The following GIPC2 variants were observed in gnomAD, a reference collection of about 807,000 sequenced individuals.
GIPC2 encodes GIPC PDZ domain containing family member 2, also known as PDZ domain-containing protein GIPC2.
A neutral mutation model predicts 30.6 loss-of-function variants in GIPC2; 30 were observed. The observed-to-expected ratio is 0.98, with a 90% CI of 0.73 to 1.33. GIPC2 has a LOEUF of 1.33. Ranked by LOEUF, GIPC2 falls within the 40% of genes most tolerant of loss-of-function variation. The pLI, the probability that GIPC2 is intolerant of heterozygous loss-of-function variation, is 0.00. For missense variants in GIPC2, 414 were observed against 390.3 expected (o/e 1.06, Z -0.51); for synonymous variants, 167 against 150.0 (o/e 1.11, Z -0.83).
rs893469850 is a variant in GIPC2, at chr1:78,055,396, T to A, written c.240+9062T>A. ...AAATGTATAGGGAGGTAAGGAAGCT[T>A]AGGACAGCTTCTGCAGCTGCACAGT... On this transcript the variant is annotated intron_variant, in intron 1 of 5. Coordinates refer to ENST00000370759, the MANE Select transcript of GIPC2 (RefSeq NM_017655.6). Among the ~76,000 whole-genome samples the A allele has an allele frequency of 3.3e-5, 5 of 152,294 alleles. No homozygotes were observed. In the South Asian group the frequency reaches 6.2e-4, roughly 19 times the overall value.
chr1:78,065,180 C>G (rs979383315), intron 1 of GIPC2, among the ~76,000 whole-genome samples: 1 of 152,070 alleles, frequency 6.6e-6, no homozygotes. Context: ...CATTATGTTG[C>G]CCAGGGTTAG....
chr1:78,065,956 G>C lies in GIPC2; in HGVS notation c.241-14719G>C, dbSNP rs895121877. ...ATAAAAGCCCTGGAAGACAACCTAG[G>C]CAGTACCATTCTGGACATAGGAATG... On this transcript the variant is annotated intron_variant, in intron 1 of 5. Coordinates refer to ENST00000370759, the MANE Select transcript of GIPC2 (RefSeq NM_017655.6). Among the ~76,000 whole-genome samples, 11 of 152,226 alleles carry C rather than the reference G, an allele frequency of 7.2e-5. No homozygotes were observed. The East Asian group carries it at 2.1e-3, about 29-fold the overall frequency.
At chr1:78,071,503 T>C (rs1193388810) in intron 1 of GIPC2, among the ~76,000 whole-genome samples, 1 of 151,578 alleles carries the variant, frequency 6.6e-6, no homozygotes, top group Non-Finnish European at 1.5e-5. Context: ...CTCCTCTTCT[T>C]CCTCTTCCTC....
chr1:78,097,823 ACTGG>A (rs1334950610), intron 3 of GIPC2, among the ~76,000 whole-genome samples: 2 of 152,192 alleles, frequency 1.3e-5, no homozygotes. Flanking sequence ...CATTCATGGC[ACTGG>A]CTGAATTGAC....
intron 1 of GIPC2, among the ~76,000 whole-genome samples, chr1:78,056,941 C>G (rs12125903): frequency 0.14 from 21,553 of 152,088 alleles, 1,612 homozygotes; most frequent in South Asian, 0.26. Context: ...TTGAAGCAGC[C>G]AGATCTTTTA....
intron 2 of GIPC2, among the ~76,000 whole-genome samples, chr1:78,084,634 A>G (rs1243042169): frequency 6.6e-6 from 1 of 151,910 alleles, no homozygotes; most frequent in Non-Finnish European, 1.5e-5. Flanking sequence ...ATATTTACTC[A>G]TTGTAGAGAT....
intron 3 of GIPC2, among the ~76,000 whole-genome samples, chr1:78,105,588 A>G (rs951199060): frequency 6.6e-6 from 1 of 152,104 alleles, no homozygotes; most frequent in Non-Finnish European, 1.5e-5. Flanking sequence ...GCCCGACCAG[A>G]ACCGTAATGT....
At chr1:78,098,468 C>G (rs1484015332) in intron 3 of GIPC2, among the ~76,000 whole-genome samples, 2 of 152,130 alleles carry the variant, frequency 1.3e-5, no homozygotes, top group Non-Finnish European at 2.9e-5. Flanking sequence ...TTTAATTTAT[C>G]TATCTCACAA....
At chr1:78,052,220 T>C (rs1047531195) in intron 1 of GIPC2, among the ~76,000 whole-genome samples, 1 of 152,194 alleles carries the variant, frequency 6.6e-6, no homozygotes, top group Non-Finnish European at 1.5e-5. Context: ...TGATCATCTC[T>C]AGGTGCAACA....
chr1:78,069,426 C>G (rs1031018958), intron 1 of GIPC2, among the ~76,000 whole-genome samples: 1 of 151,734 alleles, frequency 6.6e-6, no homozygotes, highest in Non-Finnish European at 1.5e-5. Context: ...TTGCCTTCAC[C>G]CTTTTCTCCC....
chr1:78,132,015 AG>A (rs1397334673), intron 5 of GIPC2, among the ~76,000 whole-genome samples: 5 of 152,228 alleles, frequency 3.3e-5, no homozygotes, highest in African/African-American at 1.2e-4. Context: ...CTCTTACCAC[AG>A]TACCTCTCCA....
rs565044199 is a variant in GIPC2 at position 78,103,778 on chromosome 1, T to C, written c.607+8646T>C. On this transcript the variant is annotated intron_variant, in intron 3 of 5. Transcript: ENST00000370759. ...GGGAGGGGTTCTAAGGCTTAGAGAG[T>C]GATAGGGATTGAGAGGTAGTAAGAT... 2.0e-5 allele frequency among the ~76,000 whole-genome samples: 3 copies of C among 151,848 alleles called. No homozygotes were observed. The South Asian group carries it at 6.2e-4, about 32-fold the overall frequency.
At chr1:78,047,403 G>C (rs74730934) in intron 1 of GIPC2, among the ~76,000 whole-genome samples, 1,872 of 152,268 alleles carry the variant, frequency 0.012, 39 homozygotes, top group African/African-American at 0.044. Flanking sequence ...ACGAAAGAGA[G>C]CTTAAAGTGT....
At chr1:78,061,847 C>T (rs1661401029) in intron 1 of GIPC2, among the ~76,000 whole-genome samples, 1 of 152,154 alleles carries the variant, frequency 6.6e-6, no homozygotes, top group Non-Finnish European at 1.5e-5. Flanking sequence ...GAACTCCTGA[C>T]CTCAGGTTAT....
At chr1:78,073,948 A>C (rs1661667281) in intron 1 of GIPC2, among the ~76,000 whole-genome samples, 1 of 152,232 alleles carries the variant, frequency 6.6e-6, no homozygotes, top group African/African-American at 2.4e-5. Flanking sequence ...TGTGGTAAGA[A>C]TTTGAAAATA....
At chr1:78,061,225 A>G (rs1233496677) in intron 1 of GIPC2, among the ~76,000 whole-genome samples, 1 of 152,148 alleles carries the variant, frequency 6.6e-6, no homozygotes, top group Non-Finnish European at 1.5e-5. Flanking sequence ...GTTCCTTGAC[A>G]CTGCTTATTC....
intron 3 of GIPC2, among the ~76,000 whole-genome samples, chr1:78,106,975 C>T (rs1662365929): frequency 6.6e-6 from 1 of 152,014 alleles, no homozygotes; most frequent in Non-Finnish European, 1.5e-5. Context: ...TGTGCCCGGC[C>T]TAGGTGGCGA....
chr1:78,129,815 G>A (rs1001842159), intron 5 of GIPC2, among the ~76,000 whole-genome samples: 4 of 152,148 alleles, frequency 2.6e-5, no homozygotes, highest in African/African-American at 9.7e-5. Context: ...TGTAAGTTGT[G>A]TATAGAACTA....
At chr1:78,082,832 A>G (rs1661857125) in intron 2 of GIPC2, among the ~76,000 whole-genome samples, 1 of 152,172 alleles carries the variant, frequency 6.6e-6, no homozygotes, top group Non-Finnish European at 1.5e-5. Context: ...ATAATTTCAA[A>G]CTTACATAAA....
Sources: allele counts gnomAD v4.1 joint callset (sites outside exome capture counted in the v4.1 genomes callset), GRCh38; gene constraint gnomAD v4.1.1; transcripts MANE v1.5; gene names NCBI Gene and HGNC (gene_info 2026-07-23, HGNC 2026-07-21).